The following GRM1 variants were observed in gnomAD, a reference collection of about 807,000 sequenced individuals.
GRM1 encodes the protein metabotropic glutamate receptor 1.
In GRM1, 33 loss-of-function variants were observed where a neutral mutation model predicts 90.9. That is an observed-to-expected ratio of 0.36 (90% CI 0.28 to 0.49). GRM1 has a LOEUF of 0.49. Among genes scored for constraint, GRM1 ranks in the 20% least tolerant of loss-of-function variants. GRM1 has a pLI of 0.99. For synonymous variants in GRM1, 700 were observed against 613.2 expected, an observed-to-expected ratio of 1.14 and a Z score of -2.09; for missense variants, 1,190 against 1,534.3, an observed-to-expected ratio of 0.78 and a Z score of 3.75.
chr6:146,426,590 C>T, intron 7 of GRM1: 1 of 1,611,698 alleles, frequency 6.2e-7, no homozygotes. Context: ...GCCCACCAGC[C>T]AATGTCCGTC....
chr6:146,342,893 C>T (rs78952670), intron 3 of GRM1, among the ~76,000 whole-genome samples: 2,323 of 152,226 alleles, frequency 0.015, 40 homozygotes, highest in Middle Eastern at 0.068. Flanking sequence ...TATATTGCTA[C>T]GTAACATTTG....
At chr6:146,249,129 T>G in intron 2 of GRM1, among the ~76,000 whole-genome samples, 1 of 152,166 alleles carries the variant, frequency 6.6e-6, no homozygotes, top group East Asian at 1.9e-4. Flanking sequence ...AAGCAGAGCA[T>G]AAAGATTTAT....
intron 2 of GRM1, among the ~76,000 whole-genome samples, chr6:146,183,628 T>A (rs1378027195): frequency 3.3e-5 from 5 of 152,180 alleles, no homozygotes; most frequent in Non-Finnish European, 7.4e-5. Flanking sequence ...GATCTCTATG[T>A]TCCTTTTCCA....
intron 7 of GRM1, chr6:146,426,452 C>A: frequency 3.0e-6 from 3 of 998,406 alleles, no homozygotes; most frequent in Non-Finnish European, 4.6e-6. Flanking sequence ...GGAGGCAATA[C>A]AGAGCAAGGC....
intron 1 of GRM1, among the ~76,000 whole-genome samples, chr6:146,061,827 T>G (rs1294631450): frequency 6.6e-6 from 1 of 152,018 alleles, no homozygotes; most frequent in Non-Finnish European, 1.5e-5. Flanking sequence ...ATGGCGATCA[T>G]TAAAAAGTCA....
chr6:146,159,105 A>G (rs1313818322), intron 1 of GRM1, among the ~76,000 whole-genome samples: 1 of 152,216 alleles, frequency 6.6e-6, no homozygotes, highest in Non-Finnish European at 1.5e-5. Flanking sequence ...ATTTTATAAA[A>G]CATGTCTCAT....
intron 2 of GRM1, among the ~76,000 whole-genome samples, chr6:146,261,165 A>T (rs1446488129): frequency 6.6e-6 from 1 of 152,126 alleles, no homozygotes; most frequent in Non-Finnish European, 1.5e-5. Flanking sequence ...CCGTGGAATT[A>T]TGGAAAATCT....
chr6:146,305,700 T>C (rs998513679), intron 3 of GRM1, among the ~76,000 whole-genome samples: 3 of 152,180 alleles, frequency 2.0e-5, no homozygotes, highest in African/African-American at 7.2e-5. Context: ...CTAATTTGTA[T>C]TGTAGAACAG....
At chr6:146,382,315 T>C (rs1776345674) in intron 5 of GRM1, among the ~76,000 whole-genome samples, 1 of 87,140 alleles carries the variant, frequency 1.1e-5, no homozygotes, top group African/African-American at 3.4e-5. Context: ...TATAAGAACC[T>C]AAGATTTAAA....
intron 1 of GRM1, among the ~76,000 whole-genome samples, chr6:146,119,655 A>C (rs946026684): frequency 6.6e-6 from 1 of 152,194 alleles, no homozygotes; most frequent in Non-Finnish European, 1.5e-5. Context: ...AGCTTTCTAC[A>C]TATGATTAGC....
At chr6:146,172,049 G>A (rs1254816540) in intron 2 of GRM1, among the ~76,000 whole-genome samples, 5 of 151,660 alleles carry the variant, frequency 3.3e-5, no homozygotes, top group African/African-American at 9.7e-5. Context: ...AGAGACAATA[G>A]ATATTAGTTC....
At chr6:146,052,961 T>TA (rs1382901539) in intron 1 of GRM1, among the ~76,000 whole-genome samples, 2 of 151,816 alleles carry the variant, frequency 1.3e-5, no homozygotes, top group South Asian at 2.1e-4. Context: ...ATTTTTGAAA[T>TA]AAAAAAACCC....
At chr6:146,344,875 G>C (rs1380842201) in intron 3 of GRM1, among the ~76,000 whole-genome samples, 1 of 151,950 alleles carries the variant, frequency 6.6e-6, no homozygotes, top group East Asian at 1.9e-4. Flanking sequence ...GCAATGGCAT[G>C]ATCTCGGCTC....
chr6:146,218,894 T>A (rs907330283), intron 2 of GRM1, among the ~76,000 whole-genome samples: 12 of 152,168 alleles, frequency 7.9e-5, no homozygotes, highest in African/African-American at 2.9e-4. Flanking sequence ...AAAGACAACA[T>A]CATGGCTGCA....
At chr6:146,363,894 T>C (rs550970826) in intron 5 of GRM1, among the ~76,000 whole-genome samples, 11 of 152,336 alleles carry the variant, frequency 7.2e-5, no homozygotes, top group African/African-American at 2.6e-4. Flanking sequence ...CATTTCCTGA[T>C]AAGAGCTACC....
intron 7 of GRM1, among the ~76,000 whole-genome samples, chr6:146,414,641 A>G (rs1232693437): frequency 6.6e-6 from 1 of 152,138 alleles, no homozygotes; most frequent in Non-Finnish European, 1.5e-5. Context: ...TGACCTTGTG[A>G]TCCGCCCGCC....
chr6:146,392,529 T>C (rs2114551374), intron 6 of GRM1, among the ~76,000 whole-genome samples: 1 of 152,294 alleles, frequency 6.6e-6, no homozygotes, highest in East Asian at 1.9e-4. Context: ...AACATACCTT[T>C]ATATTATTTC....
At chr6:146,328,911 G>A (rs574045201) in intron 3 of GRM1, among the ~76,000 whole-genome samples, 1 of 152,282 alleles carries the variant, frequency 6.6e-6, no homozygotes, top group Admixed American at 6.5e-5. Context: ...ACTACTGTGG[G>A]CATGTTATCC....
At chr6:146,089,898 C>T (rs538564491) in intron 1 of GRM1, among the ~76,000 whole-genome samples, 4 of 152,036 alleles carry the variant, frequency 2.6e-5, no homozygotes, top group South Asian at 4.2e-4. Flanking sequence ...TTAATGTTTC[C>T]GGTTACAGGG....
Sources: gnomAD v4.1 joint callset for allele counts (sites outside exome capture counted in the v4.1 genomes callset) on GRCh38, gnomAD v4.1.1 for gene constraint, MANE v1.5 for transcripts, NCBI Gene and HGNC (gene_info 2026-07-23, HGNC 2026-07-21) for gene names.